Variants in PTDSS2 observed in about 807,000 individuals in gnomAD.
The protein encoded by PTDSS2 is phosphatidylserine synthase 2.
A neutral mutation model predicts 64.7 loss-of-function variants in PTDSS2; 41 were observed. The ratio of observed to expected loss-of-function variants is 0.63; its 90% CI spans 0.49 to 0.82. The LOEUF is 0.82. PTDSS2 is among the 40% of genes least tolerant of loss of function. The pLI is 0.00. For missense variants in PTDSS2, 485 were observed against 650.0 expected (o/e 0.75, Z 2.76); for synonymous variants, 297 against 277.8 (o/e 1.07, Z -0.69).
At chr11:468,537 T>G (rs1333766127) in intron 2 of PTDSS2, among the ~76,000 whole-genome samples, 1 of 152,246 alleles carries the variant, frequency 6.6e-6, no homozygotes, top group Non-Finnish European at 1.5e-5. Flanking sequence ...TTCCGTGACC[T>G]TCCTGAAGGG....
chr11:455,781 C>T (rs1846560456), intron 1 of PTDSS2, among the ~76,000 whole-genome samples: 2 of 152,378 alleles, frequency 1.3e-5, no homozygotes, highest in Admixed American at 6.5e-5. Context: ...ACCTCCCTAA[C>T]CACTCCCATC....
chr11:465,973 T>C (rs922238950), intron 2 of PTDSS2, among the ~76,000 whole-genome samples: 5 of 152,132 alleles, frequency 3.3e-5, no homozygotes, highest in African/African-American at 4.8e-5. Context: ...AAAGACACTG[T>C]TAAGGGAACG....
At chr11:477,861 C>T (rs1847882425) in intron 3 of PTDSS2, among the ~76,000 whole-genome samples, 1 of 152,230 alleles carries the variant, frequency 6.6e-6, no homozygotes, top group Admixed American at 6.5e-5. Context: ...TATCCCAAGG[C>T]GTGAGGAAGA....
At position 490,552 on chromosome 11, in the gene PTDSS2, C is replaced by A; in HGVS notation, c.1434C>A (p.Ala478=). 2 of 1,607,348 alleles carry A rather than the reference C, an allele frequency of 1.2e-6. No individual in the cohort carries two copies. The highest frequency in any genetic ancestry group is 8.5e-7 in the Non-Finnish European group (1 of 1,177,472). ...LDEDLLGPGV[A]EGEGAPTPN ...AAGACCTGCTGGGGCCTGGGGTGGC[C>A]GAGGGCGAGGGAGCACCAACTCCAA... Residue 478 remains alanine, a synonymous_variant, in exon 12 of 12, where the codon GCC becomes GCA. Coordinates refer to ENST00000308020, the MANE Select transcript of PTDSS2 (RefSeq NM_030783.3).
At position 467,585 on chromosome 11, in the gene PTDSS2, G is replaced by A. The variant is rs7925729; in HGVS notation, c.285-6310G>A. Among the ~76,000 whole-genome samples the A allele has an allele frequency of 8.4e-3, 1,269 of 151,686 alleles. 22 individuals are homozygous for A. The highest frequency in any genetic ancestry group is 0.029 in the African/African-American group (1,206 of 41,330). ...AGCCTAGCCAACATAGTGAAACCCC[G>A]TCTCTACTAAAAATGCAAAAAATTA... is the stretch of plus-strand genomic sequence containing the variant. On this transcript the variant is annotated intron_variant, in intron 2 of 11. Coordinates refer to ENST00000308020, the MANE Select transcript of PTDSS2 (RefSeq NM_030783.3).
intron 3 of PTDSS2, among the ~76,000 whole-genome samples, chr11:477,130 G>A (rs538217250): frequency 6.6e-4 from 100 of 152,342 alleles, no homozygotes; most frequent in South Asian, 1.2e-3. Context: ...AGCTGTAGCC[G>A]TAGCCATTAG....
In PTDSS2 at chr11:461,269, C is replaced by A. The variant is rs116342627; in HGVS notation, c.284+981C>A. Among the ~76,000 whole-genome samples, 2,811 of 152,302 alleles carry A rather than the reference C, an allele frequency of 0.018. 84 individuals carry two copies. The highest frequency in any genetic ancestry group is 0.064 in the African/African-American group (2,643 of 41,552). ...TGGGCATGGTGTGAACGTCATCACG[C>A]TTGCACGGGCGTTGGTGGCCCTGTT... On this transcript the variant is annotated intron_variant, in intron 2 of 11. Coordinates refer to ENST00000308020, the MANE Select transcript of PTDSS2 (RefSeq NM_030783.3). This position sits in a 1 kb window ranked among gnomAD's most constrained non-coding sequence, Gnocchi z 4.2.
intron 4 of PTDSS2, among the ~76,000 whole-genome samples, chr11:485,386 C>T (rs1382277855): frequency 7.8e-6 from 1 of 128,314 alleles, no homozygotes; most frequent in East Asian, 2.5e-4. Context: ...GGCATGTGTG[C>T]TGTGTGTGTG....
chr11:450,714 C>G, intron 1 of PTDSS2, 77 bp downstream of exon 1: 1 of 1,157,018 alleles, frequency 8.6e-7, no homozygotes, highest in East Asian at 3.2e-5. Flanking sequence ...CCTGGGGGTC[C>G]CCGGCAGCGC....
rs1479261931 is a variant in PTDSS2, at chr11:479,321, G to A, written c.435+169G>A. On this transcript the variant is annotated intron_variant, in intron 4 of 11. Transcript: ENST00000308020. This position sits in a 1 kb window ranked among gnomAD's most constrained non-coding sequence, Gnocchi z 4.2. Reference sequence around the variant, plus strand: ...GGGGGGTCTCCAGGAGCATCTGTGCGGCCCTTGAGTGATGGGGGGCAGCAA... The same window carrying A: ...GGGGGGTCTCCAGGAGCATCTGTGCAGCCCTTGAGTGATGGGGGGCAGCAA... 38 of 681,206 alleles carry A rather than the reference G, an allele frequency of 5.6e-5. No homozygotes were observed. Among genetic ancestry groups the A allele is most frequent in the Admixed American group, 5.6e-4 (24 of 43,164 alleles). 42.2% of individuals were successfully genotyped at this position (681,206 alleles called of 1,614,324 possible).
At chr11:486,467 C>T (rs941267807) in intron 4 of PTDSS2, among the ~76,000 whole-genome samples, 6 of 152,198 alleles carry the variant, frequency 3.9e-5, no homozygotes, top group Non-Finnish European at 7.3e-5. Context: ...ACGCGCTGCC[C>T]CACCAGGATT....
At position 488,476 on chromosome 11, in the gene PTDSS2, C is replaced by T. The variant is rs1200408372; in HGVS notation, c.736-53C>T. ...CCCTGTGCTCTTCCGGGGTCCTCCT[C>T]GGGGGGCTCGTTACCCCTCACCCCT... On this transcript the variant is annotated intron_variant, in intron 7 of 11. Coordinates refer to ENST00000308020, the MANE Select transcript of PTDSS2 (RefSeq NM_030783.3). 1.1e-5 allele frequency: 16 copies of T among 1,503,216 alleles called. No individual in the cohort carries two copies. The Admixed American group carries it at 1.7e-4, about 16-fold the overall frequency. 93.1% of individuals were successfully genotyped at this position (1,503,216 alleles called of 1,614,324 possible). A position where few individuals can be genotyped will look rare whatever the true frequency, so the allele number is the denominator to read the frequency against.
rs1353342527 is a variant in PTDSS2 at position 460,574 on chromosome 11, G to A, written c.284+286G>A. The A allele has an allele frequency of 2.3e-5, 9 of 384,406 alleles. No individual in the cohort carries two copies. Among genetic ancestry groups the A allele is most frequent in the Non-Finnish European group, 4.4e-5 (9 of 205,042 alleles). 23.8% of individuals were successfully genotyped at this position (384,406 alleles called of 1,614,324 possible). On this transcript the variant is annotated intron_variant, in intron 2 of 11. Coordinates refer to ENST00000308020, the MANE Select transcript of PTDSS2 (RefSeq NM_030783.3). The surrounding 1 kb of genome is among the most constrained non-coding windows in gnomAD (Gnocchi z 5.8). Reference sequence around the variant, plus strand: ...GCTGCGTTTCCTCTGAGTTTTGCATGTTGAGGTTGGAACGAGCTGCAGCAG... The same window carrying A: ...GCTGCGTTTCCTCTGAGTTTTGCATATTGAGGTTGGAACGAGCTGCAGCAG...
chr11:456,399 A>G (rs1846599771), intron 1 of PTDSS2, among the ~76,000 whole-genome samples: 1 of 149,986 alleles, frequency 6.7e-6, no homozygotes, highest in Admixed American at 6.6e-5. Flanking sequence ...CTGGTCTCCA[A>G]CTCCTGGGCT....
At chr11:464,051 T>C (rs551014993) in intron 2 of PTDSS2, among the ~76,000 whole-genome samples, 63 of 152,020 alleles carry the variant, frequency 4.1e-4, no homozygotes, top group Admixed American at 1.4e-3. Flanking sequence ...AGTGGCGTGA[T>C]GGCCCACTGC....
At chr11:467,191 C>G (rs1222821147) in intron 2 of PTDSS2, among the ~76,000 whole-genome samples, 1 of 151,904 alleles carries the variant, frequency 6.6e-6, no homozygotes, top group Non-Finnish European at 1.5e-5. Flanking sequence ...AACTTTGTCT[C>G]AAAACAAAGC....
At chr11:486,359 G>T (rs1848386395) in intron 4 of PTDSS2, among the ~76,000 whole-genome samples, 1 of 152,210 alleles carries the variant, frequency 6.6e-6, no homozygotes, top group South Asian at 2.1e-4. Flanking sequence ...TCTGTCCAGC[G>T]GTCCTAGACC....
intron 1 of PTDSS2, among the ~76,000 whole-genome samples, chr11:455,636 A>T (rs986619130): frequency 6.6e-6 from 1 of 152,184 alleles, no homozygotes; most frequent in Non-Finnish European, 1.5e-5. Context: ...ACTGCTGGGG[A>T]TGGAGGCTGA....
rs140991730 is a variant in PTDSS2, at chr11:490,526, G to A, written c.1408G>A (p.Glu470Lys). The A allele has an allele frequency of 5.4e-5, 87 of 1,612,520 alleles. No homozygotes were observed. The highest frequency in any genetic ancestry group is 6.7e-5 in the African/African-American group (5 of 74,928). ...NGDQHPLGLDEDLLGPGVAEG... is the reference protein window; with the variant it reads ...NGDQHPLGLDKDLLGPGVAEG... ...GGACCAGCACCCACTGGGGCTGGAC[G>A]AAGACCTGCTGGGGCCTGGGGTGGC... The change falls in exon 12 of 12, where the codon GAA becomes AAA. Residue 470 changes from glutamate to lysine, a missense_variant. Coordinates refer to ENST00000308020, the MANE Select transcript of PTDSS2 (RefSeq NM_030783.3).
Sources: allele counts gnomAD v4.1 joint callset (sites outside exome capture counted in the v4.1 genomes callset), GRCh38; gene constraint gnomAD v4.1.1; non-coding constraint Gnocchi (gnomAD v3.1); transcripts MANE v1.5; gene names NCBI Gene and HGNC (gene_info 2026-07-23, HGNC 2026-07-21).